CLDN1: variants seen among roughly 807,000 people sequenced by gnomAD.
CLDN1 encodes the protein claudin-1.
CLDN1 carries 12 observed loss-of-function variants against 22.6 expected under a neutral mutation model. The ratio of observed to expected loss-of-function variants is 0.53; its 90% CI spans 0.34 to 0.86. The LOEUF (loss-of-function observed/expected upper bound fraction) is 0.86, where lower values mean the gene tolerates loss of function less well. CLDN1 is among the 40% of genes least tolerant of loss of function. CLDN1 has a pLI of 0.02. For synonymous variants in CLDN1, 99 were observed against 103.8 expected (o/e 0.95, Z 0.28); for missense variants, 250 against 269.5 (o/e 0.93, Z 0.51).
chr3:190,322,410 A>G lies in CLDN1; in HGVS notation c.-204T>C, dbSNP rs1716954345. The G allele has an allele frequency of 5.0e-6, 3 of 605,162 alleles. No homozygotes were observed. Among genetic ancestry groups the G allele is most frequent in the African/African-American group, 1.8e-5 (1 of 54,276 alleles). The allele number at this position is 605,162 out of a possible 1,614,324, so 37.5% of individuals were successfully genotyped here. On this transcript the variant is annotated 5_prime_UTR_variant, in exon 1 of 4. Coordinates refer to ENST00000295522, the MANE Select transcript of CLDN1 (RefSeq NM_021101.5). Reference sequence around the variant, plus strand: ...GGGGCGGCGCTGGAGTCTGGATACTAGAAGCTGCGGTTGCTCCCAGGCTCG... The same window carrying G: ...GGGGCGGCGCTGGAGTCTGGATACTGGAAGCTGCGGTTGCTCCCAGGCTCG...
In CLDN1 at chr3:190,315,095, G is replaced by A. The variant is rs562842878; in HGVS notation, c.224-2059C>T. Among the ~76,000 whole-genome samples, 275 of 152,314 alleles carry A rather than the reference G, an allele frequency of 1.8e-3. 3 individuals carry two copies. Among genetic ancestry groups the A allele is most frequent in the African/African-American group, 6.3e-3 (263 of 41,572 alleles). ...TTTCTGATGGATGGTTTTTGCAAAG[G>A]CTATCATTATTGGGAAATAACAAAT... On this transcript the variant is annotated intron_variant, in intron 1 of 3. Transcript: ENST00000295522.
chr3:190,308,089 A>G lies in CLDN1; in HGVS notation c.*188T>C. ...TTCCCTCCTATATTGAGGAAAGAAGATAAAATAAGATTAAGCCATGTTTAG... is the reference window on the plus strand; with the variant it reads ...TTCCCTCCTATATTGAGGAAAGAAGGTAAAATAAGATTAAGCCATGTTTAG... On this transcript the variant is annotated 3_prime_UTR_variant, in exon 4 of 4. Transcript: ENST00000295522. 1.5e-6 allele frequency: 1 copy of G among 645,680 alleles called. No individual in the cohort carries two copies. Among genetic ancestry groups the G allele is most frequent in the Non-Finnish European group, 2.6e-6 (1 of 377,992 alleles). 40.0% of individuals were successfully genotyped at this position (645,680 alleles called of 1,614,324 possible). A position where few individuals can be genotyped will look rare whatever the true frequency, so the allele number is the denominator to read the frequency against.
chr3:190,313,228 G>T (rs1216066969), intron 1 of CLDN1, 192 bp from the exon 2 acceptor site: 1 of 595,490 alleles, frequency 1.7e-6, no homozygotes, highest in Non-Finnish European at 3.0e-6. Flanking sequence ...CAAATGCCAG[G>T]CTGGATGATG....
In CLDN1 at chr3:190,306,270, G is replaced by C. The variant is rs532134169; in HGVS notation, c.*2007C>G. 2.0e-5 allele frequency: 3 copies of C among 152,256 alleles called. No individual in the cohort carries two copies. The East Asian group carries it at 5.8e-4, about 29-fold the overall frequency. The allele number at this position is 152,256 out of a possible 1,614,324, so 9.4% of individuals were successfully genotyped here. A position where few individuals can be genotyped will look rare whatever the true frequency, so the allele number is the denominator to read the frequency against. On this transcript the variant is annotated 3_prime_UTR_variant, in exon 4 of 4. Transcript: ENST00000295522. ...ATCTGTTTAGCCACAGAAAGCATCG[G>C]GCCATACTCACTGCAGAAGATAAGA...
In CLDN1 at chr3:190,322,439, A is replaced by C; in HGVS notation, c.-233T>G. The C allele has an allele frequency of 1.7e-6, 1 of 575,760 alleles. No homozygotes were observed. Among genetic ancestry groups the C allele is most frequent in the Non-Finnish European group, 3.1e-6 (1 of 320,804 alleles). 35.7% of individuals were successfully genotyped at this position (575,760 alleles called of 1,614,324 possible). On this transcript the variant is annotated 5_prime_UTR_variant, in exon 1 of 4. Coordinates refer to ENST00000295522, the MANE Select transcript of CLDN1 (RefSeq NM_021101.5). ...GCTGCGGTTGCTCCCAGGCTCGGGA[A>C]CTGAGACGCAGAACCGCTGGGCGCC...
Position 190,306,178 on chromosome 3 carries a change from T to C in CLDN1, c.*2099A>G. On this transcript the variant is annotated 3_prime_UTR_variant, in exon 4 of 4. Transcript: ENST00000295522. Reference sequence around the variant, plus strand: ...TGAACAGATAGCACCTTATGAGTTATTATGATTCAAAAATCTCCCTTGCTG... The same window carrying C: ...TGAACAGATAGCACCTTATGAGTTACTATGATTCAAAAATCTCCCTTGCTG... The C allele has an allele frequency of 6.6e-6, 1 of 152,224 alleles. No individual in the cohort carries two copies. The highest frequency in any genetic ancestry group is 1.9e-4 in the East Asian group (1 of 5,196). The allele number at this position is 152,224 out of a possible 1,614,324, so 9.4% of individuals were successfully genotyped here.
chr3:190,310,177 G>A lies in CLDN1; in HGVS notation c.465C>T (p.Val155=). The A allele has an allele frequency of 6.2e-7, 1 of 1,613,434 alleles. No individual in the cohort carries two copies. Among genetic ancestry groups the A allele is most frequent in the Non-Finnish European group, 8.5e-7 (1 of 1,179,438 alleles). The change falls in exon 3 of 4, where the codon GTC becomes GTT. Residue 155 remains valine, a synonymous_variant. Transcript: ENST00000295522. ...CGCCTGAATAGCGTTACCTGGCATTGACTGGGGTCATAGGGTCATAGAATT... is the reference window on the plus strand; with the variant it reads ...CGCCTGAATAGCGTTACCTGGCATTAACTGGGGTCATAGGGTCATAGAATT... ...VQEFYDPMTP[V]NARYEFGQAL... is the part of the protein sequence containing the mutation.
Position 190,308,164 on chromosome 3 carries a change from A to C in CLDN1, c.*113T>G. On this transcript the variant is annotated 3_prime_UTR_variant, in exon 4 of 4. Coordinates refer to ENST00000295522, the MANE Select transcript of CLDN1 (RefSeq NM_021101.5). The stretch of plus-strand genomic sequence containing the variant: ...TTTTTGTTTGTTTGTTTGTTTTGTA[A>C]TACCATACTTCAGATTACAATACCC... The C allele has an allele frequency of 8.0e-7, 1 of 1,251,592 alleles. No homozygotes were observed. Among genetic ancestry groups the C allele is most frequent in the South Asian group, 1.2e-5 (1 of 82,750 alleles). The allele number at this position is 1,251,592 out of a possible 1,614,324, so 77.5% of individuals were successfully genotyped here.
Position 190,308,114 on chromosome 3 carries a change from G to T in CLDN1, c.*163C>A, listed in dbSNP as rs1360912996. The T allele has an allele frequency of 1.3e-6, 1 of 794,852 alleles. No individual in the cohort carries two copies. The highest frequency in any genetic ancestry group is 2.1e-6 in the Non-Finnish European group (1 of 475,770). 49.2% of individuals were successfully genotyped at this position (794,852 alleles called of 1,614,324 possible). ...ATAAAATAAGATTAAGCCATGTTTA[G>T]CACTGAGTATTTTAACACATGGGTT... On this transcript the variant is annotated 3_prime_UTR_variant, in exon 4 of 4. Coordinates refer to ENST00000295522, the MANE Select transcript of CLDN1 (RefSeq NM_021101.5).
In CLDN1 at chr3:190,322,223, C is replaced by T. The variant is rs754131848; in HGVS notation, c.-17G>A. On this transcript the variant is annotated 5_prime_UTR_variant, in exon 1 of 4. Transcript: ENST00000295522. Reference sequence around the variant, plus strand: ...GTTGGCCATGACTCGCTCGGGCGCCCGCGCTGGCTCAGGGGTGGCAGGTGC... The same window carrying T: ...GTTGGCCATGACTCGCTCGGGCGCCTGCGCTGGCTCAGGGGTGGCAGGTGC... 51 of 1,611,520 alleles carry T rather than the reference C, an allele frequency of 3.2e-5. No individual in the cohort carries two copies. Among genetic ancestry groups the T allele is most frequent in the Non-Finnish European group, 4.2e-5 (49 of 1,178,988 alleles).
rs1716486971 is a variant in CLDN1, at chr3:190,307,478, G to C, written c.*799C>G. 1 of 152,248 alleles carries C rather than the reference G, an allele frequency of 6.6e-6. No individual in the cohort carries two copies. 9.4% of individuals were successfully genotyped at this position (152,248 alleles called of 1,614,324 possible). A position where few individuals can be genotyped will look rare whatever the true frequency, so the allele number is the denominator to read the frequency against. ...CAAGAGTGCTATGGGTCAGAGTACA[G>C]GGATTGTGTGGGAAGGTCAACAGGA... On this transcript the variant is annotated 3_prime_UTR_variant, in exon 4 of 4. Transcript: ENST00000295522.
intron 1 of CLDN1, among the ~76,000 whole-genome samples, chr3:190,317,146 G>C (rs542519453): frequency 6.6e-6 from 1 of 152,178 alleles, no homozygotes; most frequent in East Asian, 1.9e-4. Flanking sequence ...CTTTGAATTG[G>C]TCTGATTAGA....
rs1716486109 is a variant in CLDN1 at position 190,307,454 on chromosome 3, A to G, written c.*823T>C. ...TTGGACAAATATTTTCAAAGCAAAC[A>G]AGAGTGCTATGGGTCAGAGTACAGG... On this transcript the variant is annotated 3_prime_UTR_variant, in exon 4 of 4. Coordinates refer to ENST00000295522, the MANE Select transcript of CLDN1 (RefSeq NM_021101.5). 6.6e-6 allele frequency: 1 copy of G among 152,222 alleles called. No individual in the cohort carries two copies. Among genetic ancestry groups the G allele is most frequent in the Non-Finnish European group, 1.5e-5 (1 of 68,030 alleles). 9.4% of individuals were successfully genotyped at this position (152,222 alleles called of 1,614,324 possible).
At chr3:190,319,762 C>T (rs1340708739) in intron 1 of CLDN1, among the ~76,000 whole-genome samples, 1 of 152,178 alleles carries the variant, frequency 6.6e-6, no homozygotes, top group East Asian at 1.9e-4. Context: ...CCCTTTTCAT[C>T]TCTACATGTA....
Position 190,320,727 on chromosome 3 carries a change from A to T in CLDN1, c.223+1257T>A, listed in dbSNP as rs530800223. Among the ~76,000 whole-genome samples the T allele has an allele frequency of 1.3e-5, 2 of 152,334 alleles. 1 individual carries two copies. Among genetic ancestry groups the T allele is most frequent in the Admixed American group, 1.3e-4 (2 of 15,306 alleles). On this transcript the variant is annotated intron_variant, in intron 1 of 3. Coordinates refer to ENST00000295522, the MANE Select transcript of CLDN1 (RefSeq NM_021101.5). ...AGACAAAACAAGTTAAGTAAACTTG[A>T]ACAATGCCAACACTTTTCACCCTTA...
rs1030126830 is a variant in CLDN1, at chr3:190,308,393, G to C, written c.520C>G (p.Leu174Val). Residue 174 changes from leucine to valine, a missense_variant, in exon 4 of 4, where the codon CTC becomes GTC. Leu to Val is a conservative substitution (Grantham distance 32). Transcript: ENST00000295522. ...AGTAGGGCACCTCCCAGAAGGCAGA[G>C]AGAAGCAGCAGCCCAGCCAGTGAAG... Reference protein sequence around the residue: ...ALFTGWAAASLCLLGGALLCC... With the variant: ...ALFTGWAAASVCLLGGALLCC... 1.9e-6 allele frequency: 3 copies of C among 1,613,680 alleles called. No individual in the cohort carries two copies. The African/African-American group carries it at 4.0e-5, about 22-fold the overall frequency.
intron 1 of CLDN1, among the ~76,000 whole-genome samples, chr3:190,314,539 C>G (rs1170711857): frequency 6.6e-6 from 1 of 150,804 alleles, no homozygotes; most frequent in Non-Finnish European, 1.5e-5. Context: ...GGACTGCAGG[C>G]ACGAACCACC....
chr3:190,321,889 A>T lies in CLDN1; in HGVS notation c.223+95T>A. 3 of 907,216 alleles carry T rather than the reference A, an allele frequency of 3.3e-6. No individual in the cohort carries two copies. The South Asian group carries it at 4.3e-5, about 13-fold the overall frequency. 56.2% of individuals were successfully genotyped at this position (907,216 alleles called of 1,614,324 possible). A position where few individuals can be genotyped will look rare whatever the true frequency, so the allele number is the denominator to read the frequency against. On this transcript the variant is annotated intron_variant, in intron 1 of 3. Transcript: ENST00000295522. ...AGAAGACTTGATCAACTGAAGACTG[A>T]TAACCATGGAATCACACAACAGAAT... is the stretch of plus-strand genomic sequence containing the variant.
At chr3:190,310,721 G>C (rs191095175) in intron 2 of CLDN1, among the ~76,000 whole-genome samples, 4 of 152,282 alleles carry the variant, frequency 2.6e-5, no homozygotes, top group Admixed American at 6.5e-5. Context: ...CAGCTAGATA[G>C]AGTGAGATCA....
Sources: allele counts gnomAD v4.1 joint callset (sites outside exome capture counted in the v4.1 genomes callset), GRCh38; gene constraint gnomAD v4.1.1; transcripts MANE v1.5; gene names NCBI Gene and HGNC (gene_info 2026-07-23, HGNC 2026-07-21).